Variants in CA4 observed in about 807,000 individuals in gnomAD.
CA4 encodes the protein carbonic anhydrase 4, also known as CA-IV.
Under a neutral mutation model 34.5 loss-of-function variants are expected in CA4, and 24 were observed. The observed-to-expected ratio is 0.70, with a 90% confidence interval of 0.50 to 0.98. The LOEUF (loss-of-function observed/expected upper bound fraction) is 0.98, where lower values mean the gene tolerates loss of function less well. Among genes scored for constraint, CA4 ranks in the 50% least tolerant of loss-of-function variants. CA4 has a pLI of 0.00. For synonymous variants in CA4, 178 were observed against 170.6 expected, an observed-to-expected ratio of 1.04 and a Z score of -0.34; for missense variants, 394 against 396.7, an observed-to-expected ratio of 0.99 and a Z score of 0.06.
At chr17:60,155,556 CAGAT>C (rs1376741231) in intron 2 of CA4, among the ~76,000 whole-genome samples, 189 bp downstream of exon 2, 2 of 147,390 alleles carry the variant, frequency 1.4e-5, no homozygotes, top group African/African-American at 5.2e-5. Context: ...CACACACACA[CAGAT>C]ATACAAACAC....
At chr17:60,158,574 T>C (rs1292237285) in intron 7 of CA4, 128 bp downstream of exon 7, 1 of 878,110 alleles carries the variant, frequency 1.1e-6, no homozygotes, top group Non-Finnish European at 1.8e-6. Context: ...CCGTTGTTAA[T>C]CATCGACATT....
chr17:60,150,446 G>A (rs2145247421), intron 1 of CA4, among the ~76,000 whole-genome samples: 1 of 152,058 alleles, frequency 6.6e-6, no homozygotes, highest in Admixed American at 6.5e-5. Context: ...GCAGAGGCGG[G>A]TGGATCACCT....
At chr17:60,160,590 A>ACC (rs2083775451), downstream of CA4, among the ~76,000 whole-genome samples, 1 of 151,956 alleles carries the variant, frequency 6.6e-6, no homozygotes, top group Non-Finnish European at 1.5e-5. Context: ...GTGGCGAAAC[A>ACC]CCGTCTTTAC....
downstream of CA4, among the ~76,000 whole-genome samples, chr17:60,160,866 G>A (rs764192138): frequency 1.3e-5 from 2 of 150,654 alleles, no homozygotes; most frequent in African/African-American, 2.4e-5. Flanking sequence ...GTTGAGGTGC[G>A]GCAGGGAGGG....
downstream of CA4, among the ~76,000 whole-genome samples, chr17:60,173,878 C>T (rs147414880): frequency 9.0e-3 from 1,368 of 152,288 alleles, 4 homozygotes; most frequent in Non-Finnish European, 0.016. Flanking sequence ...CTGGCTGATT[C>T]CGATGATGCC....
rs542376130 is a variant in CA4 at position 60,164,611 on chromosome 17, G to A, written c.*179-5940G>A. 3.3e-5 allele frequency among the ~76,000 whole-genome samples: 5 copies of A among 152,104 alleles called. No homozygotes were observed. The South Asian group carries it at 8.3e-4, about 25-fold the overall frequency. Reference sequence around the variant, plus strand: ...TTGCTATGTTGGCCAAGCTGGTCTCGAACTCCTGACCTCAGGTGATCCACC... The same window carrying A: ...TTGCTATGTTGGCCAAGCTGGTCTCAAACTCCTGACCTCAGGTGATCCACC... On this transcript the variant is annotated intron_variant and NMD_transcript_variant, in intron 5 of 5. Coordinates refer to the CA4 transcript ENST00000586876.
chr17:60,151,917 G>C (rs1419328677), intron 1 of CA4, among the ~76,000 whole-genome samples: 1 of 151,442 alleles, frequency 6.6e-6, no homozygotes, highest in Admixed American at 6.6e-5. Flanking sequence ...ACCCCTGGCC[G>C]GGAGCGACTG....
chr17:60,157,601 G>T (rs2083712415), intron 4 of CA4, 29 bp downstream of exon 4: 1 of 1,613,970 alleles, frequency 6.2e-7, no homozygotes, highest in African/African-American at 1.3e-5. Flanking sequence ...CTGGGACCTT[G>T]TCTGGGCTCT....
intron 4 of CA4, 23 bp downstream of exon 4, chr17:60,157,595 G>T: frequency 3.1e-6 from 5 of 1,614,158 alleles, no homozygotes; most frequent in Non-Finnish European, 4.2e-6. Flanking sequence ...TCCCGACTGG[G>T]ACCTTGTCTG....
intron 1 of CA4, 102 bp from the exon 2 acceptor site, chr17:60,155,212 A>G: frequency 9.4e-7 from 1 of 1,059,664 alleles, no homozygotes; most frequent in Non-Finnish European, 1.4e-6. Context: ...CCAGCCCAAG[A>G]GGGGCTCCAA....
rs200724822 is a variant in CA4 at position 60,157,742 on chromosome 17, C to T, written c.467C>T (p.Ala156Val). 9.9e-6 allele frequency: 16 copies of T among 1,614,090 alleles called. No individual in the cohort carries two copies. The highest frequency in any genetic ancestry group is 5.0e-5 in the Admixed American group (3 of 60,026). The change falls in exon 5 of 8, where the codon GCC becomes GTC. Residue 156 changes from alanine (A) to valine (V), a missense_variant. Transcript: ENST00000300900. The part of the protein sequence containing the change: ...EKGTSRNVKE[A>V]QDPEDEIAVL... ...GGGACATCGAGGAATGTGAAAGAGGCCCAGGACCCTGAAGACGAAATTGCG... is the reference window on the plus strand; with the variant it reads ...GGGACATCGAGGAATGTGAAAGAGGTCCAGGACCCTGAAGACGAAATTGCG...
At chr17:60,156,374 G>T (rs1379015059) in intron 2 of CA4, among the ~76,000 whole-genome samples, 186 bp from the exon 3 acceptor site, 1 of 152,168 alleles carries the variant, frequency 6.6e-6, no homozygotes, top group Non-Finnish European at 1.5e-5. Flanking sequence ...TGGAGGAGGA[G>T]GAGGAGGGCC....
chr17:60,151,273 C>T (rs901375244), intron 1 of CA4, among the ~76,000 whole-genome samples: 9 of 152,012 alleles, frequency 5.9e-5, no homozygotes, highest in Non-Finnish European at 4.4e-5. Context: ...CTCAAAGCGG[C>T]GGAGTGAGGG....
At position 60,156,718 on chromosome 17, in the gene CA4, G is replaced by A; in HGVS notation, c.268+3G>A. The A allele has an allele frequency of 6.2e-7, 1 of 1,613,894 alleles. No individual in the cohort carries two copies. Among genetic ancestry groups the A allele is most frequent in the Non-Finnish European group, 8.5e-7 (1 of 1,179,774 alleles). Reference sequence around the variant, plus strand: ...TGTCCAAAATAACGGGCACTCAGGTGGGCTGGATGGAGGCCCCAGGCAGGC... The same window carrying A: ...TGTCCAAAATAACGGGCACTCAGGTAGGCTGGATGGAGGCCCCAGGCAGGC... On this transcript the variant is annotated splice_donor_region_variant and intron_variant, in intron 3 of 7. Coordinates refer to ENST00000300900, the MANE Select transcript of CA4 (RefSeq NM_000717.5).
In CA4 at chr17:60,150,112, C is replaced by A; in HGVS notation, c.58+20C>A. On this transcript the variant is annotated intron_variant, in intron 1 of 7. Coordinates refer to ENST00000300900, the MANE Select transcript of CA4 (RefSeq NM_000717.5). ...GTGCAGGTGAGCTCCCGGGCTCCGG[C>A]CCCAGGTGCCCCTCGGCGGTCCCCT... is the stretch of plus-strand genomic sequence containing the variant. 6.3e-7 allele frequency: 1 copy of A among 1,585,756 alleles called. No homozygotes were observed. The highest frequency in any genetic ancestry group is 8.5e-7 in the Non-Finnish European group (1 of 1,171,272).
downstream of CA4, among the ~76,000 whole-genome samples, chr17:60,162,001 T>A (rs1252102956): frequency 6.6e-6 from 1 of 152,000 alleles, no homozygotes; most frequent in Non-Finnish European, 1.5e-5. Flanking sequence ...CAGGAAGTCC[T>A]GGCCTTTCCA....
downstream of CA4, among the ~76,000 whole-genome samples, chr17:60,163,695 T>G (rs2083821194): frequency 6.6e-6 from 1 of 152,182 alleles, no homozygotes; most frequent in African/African-American, 2.4e-5. Flanking sequence ...CGCAGAGCCC[T>G]CGGCTGGACA....
intron 1 of CA4, among the ~76,000 whole-genome samples, 191 bp from the exon 2 acceptor site, chr17:60,155,123 C>G (rs1224971359): frequency 6.6e-6 from 1 of 152,194 alleles, no homozygotes; most frequent in Non-Finnish European, 1.5e-5. Flanking sequence ...GCCAGCTGAC[C>G]TGTTGATCAG....
In CA4 at chr17:60,158,290, C is replaced by T; in HGVS notation, c.588C>T (p.Ser196=). 6.2e-7 allele frequency: 1 copy of T among 1,614,082 alleles called. No individual in the cohort carries two copies. The highest frequency in any genetic ancestry group is 8.5e-7 in the Non-Finnish European group (1 of 1,179,974). ...CCTCTGCCCCTATCTCAGAGATGAG[C>T]ACTACGATGGCAGAGAGCAGCCTGT... is the stretch of plus-strand genomic sequence containing the variant. The part of the protein sequence containing the change: ...ALSNIPKPEM[S]TTMAESSLLD... The change falls in exon 7 of 8, where the codon AGC becomes AGT. Residue 196 remains serine (S), a synonymous_variant. Transcript: ENST00000300900.
Sources: gnomAD v4.1 joint callset for allele counts (sites outside exome capture counted in the v4.1 genomes callset) on GRCh38, gnomAD v4.1.1 for gene constraint, MANE v1.5 for transcripts, NCBI Gene and HGNC (gene_info 2026-07-23, HGNC 2026-07-21) for gene names.